The following ARHGAP42 variants were observed in gnomAD, a reference collection of about 807,000 sequenced individuals.
The protein encoded by ARHGAP42 is rho GTPase-activating protein 42.
A neutral mutation model predicts 125.0 loss-of-function variants in ARHGAP42; 63 were observed. The ratio of observed to expected loss-of-function variants is 0.50; its 90% CI spans 0.41 to 0.62. ARHGAP42 has a LOEUF of 0.62. Among genes scored for constraint, ARHGAP42 ranks in the 20% least tolerant of loss-of-function variants. The pLI is 0.00. For missense variants in ARHGAP42, 766 were observed against 1,024.2 expected (o/e 0.75, Z 3.44); for synonymous variants, 339 against 351.0 (o/e 0.97, Z 0.38).
At chr11:100,733,279 A>G (rs1861992433) in intron 1 of ARHGAP42, among the ~76,000 whole-genome samples, 1 of 152,244 alleles carries the variant, frequency 6.6e-6, no homozygotes, top group East Asian at 1.9e-4. Context: ...TGAGGATTAT[A>G]TAAGATTACT....
chr11:100,726,270 T>A (rs1016137075), intron 1 of ARHGAP42, among the ~76,000 whole-genome samples: 4 of 152,168 alleles, frequency 2.6e-5, no homozygotes, highest in Non-Finnish European at 4.4e-5. Context: ...GCAAGGGAGT[T>A]GGAATACAGC....
chr11:100,762,516 GT>G (rs1305095804), intron 1 of ARHGAP42, among the ~76,000 whole-genome samples: 2 of 152,088 alleles, frequency 1.3e-5, no homozygotes, highest in African/African-American at 4.8e-5. Context: ...CTCAACTCTC[GT>G]TTATTGAGTG....
intron 5 of ARHGAP42, among the ~76,000 whole-genome samples, chr11:100,920,746 A>G (rs530362579): frequency 1.9e-4 from 29 of 152,296 alleles, no homozygotes; most frequent in African/African-American, 5.8e-4. Context: ...CCTTACTGCA[A>G]TCAGATATAA....
At position 100,814,915 on chromosome 11, in the gene ARHGAP42, C is replaced by T. The variant is rs540760183; in HGVS notation, c.312+19749C>T. On this transcript the variant is annotated intron_variant, in intron 3 of 23. Transcript: ENST00000298815. ...ACAGATATGTAGGAGCCTTCACATA[C>T]GGTGTTTCTTCTTCCATTCGTCACT... 3.3e-5 allele frequency among the ~76,000 whole-genome samples: 5 copies of T among 152,310 alleles called. No individual in the cohort carries two copies. The East Asian group carries it at 5.8e-4, about 18-fold the overall frequency.
rs927982816 is a variant in ARHGAP42, at chr11:100,992,283, T to C, written c.*3482T>C. On this transcript the variant is annotated 3_prime_UTR_variant, in exon 24 of 24. Transcript: ENST00000298815. ...CAGATTTTGTTCTTTGCTTTTATGA[T>C]ACATTTGTAACTCACAGCTGTTAGC... 6.4e-7 allele frequency: 1 copy of C among 1,552,990 alleles called. No individual in the cohort carries two copies.
At chr11:100,868,838 C>T (rs1387657231) in intron 4 of ARHGAP42, among the ~76,000 whole-genome samples, 2 of 152,070 alleles carry the variant, frequency 1.3e-5, no homozygotes, top group Non-Finnish European at 2.9e-5. Context: ...AATAAAACTA[C>T]CTTCATAGGA....
chr11:100,721,206 G>A (rs1035174500), intron 1 of ARHGAP42, among the ~76,000 whole-genome samples: 1 of 152,146 alleles, frequency 6.6e-6, no homozygotes, highest in African/African-American at 2.4e-5. Context: ...TACCTTTGCA[G>A]TCCCATGTAG....
At chr11:100,741,337 ATCTTAT>A (rs1172805146) in intron 1 of ARHGAP42, among the ~76,000 whole-genome samples, 1 of 151,898 alleles carries the variant, frequency 6.6e-6, no homozygotes, top group African/African-American at 2.4e-5. Flanking sequence ...GGCCGAAGAA[ATCTTAT>A]TCTTATAGTT....
At chr11:100,756,559 T>G (rs1454471917) in intron 1 of ARHGAP42, among the ~76,000 whole-genome samples, 2 of 152,200 alleles carry the variant, frequency 1.3e-5, no homozygotes, top group African/African-American at 4.8e-5. Context: ...GCATATACAT[T>G]TGTTAAGTTT....
chr11:100,746,675 C>T (rs1338660874), intron 1 of ARHGAP42, among the ~76,000 whole-genome samples: 1 of 152,070 alleles, frequency 6.6e-6, no homozygotes, highest in Non-Finnish European at 1.5e-5. Flanking sequence ...AGGGGGCAGC[C>T]GTAGGAGGTG....
At chr11:100,703,720 A>G (rs562825158) in intron 1 of ARHGAP42, among the ~76,000 whole-genome samples, 3 of 152,366 alleles carry the variant, frequency 2.0e-5, no homozygotes, top group African/African-American at 7.2e-5. Context: ...CTTTATAGAC[A>G]TATCTACTGG....
chr11:100,993,012 T>C lies in ARHGAP42; in HGVS notation c.*4211T>C. 1 of 271,870 alleles carries C rather than the reference T, an allele frequency of 3.7e-6. No homozygotes were observed. Among genetic ancestry groups the C allele is most frequent in the Admixed American group, 4.9e-5 (1 of 20,590 alleles). 16.8% of individuals were successfully genotyped at this position (271,870 alleles called of 1,614,324 possible). A position where few individuals can be genotyped will look rare whatever the true frequency, so the allele number is the denominator to read the frequency against. On this transcript the variant is annotated 3_prime_UTR_variant, in exon 24 of 24. Coordinates refer to ENST00000298815, the MANE Select transcript of ARHGAP42 (RefSeq NM_152432.4). ...GAAGAGTCCCAAAAACCAGAGACCA[T>C]TTTCATTTACTGCCATCATAAATAT...
At chr11:100,737,310 T>G (rs1217809846) in intron 1 of ARHGAP42, among the ~76,000 whole-genome samples, 1 of 152,184 alleles carries the variant, frequency 6.6e-6, no homozygotes, top group Non-Finnish European at 1.5e-5. Context: ...TTAATCTCAC[T>G]TAGGATTAGT....
chr11:100,906,489 TG>T (rs1365922608), intron 4 of ARHGAP42, among the ~76,000 whole-genome samples: 4 of 152,194 alleles, frequency 2.6e-5, no homozygotes, highest in Non-Finnish European at 1.5e-5. Context: ...ATTTTATCCA[TG>T]TTTTTTAAAC....
chr11:100,908,655 C>T (rs567062672), intron 4 of ARHGAP42, among the ~76,000 whole-genome samples: 8 of 152,168 alleles, frequency 5.3e-5, no homozygotes, highest in African/African-American at 1.9e-4. Context: ...TTGATGGACA[C>T]TTAGGTTGAT....
intron 2 of ARHGAP42, among the ~76,000 whole-genome samples, chr11:100,780,968 T>C (rs1277078062): frequency 1.3e-5 from 2 of 152,228 alleles, no homozygotes; most frequent in Non-Finnish European, 2.9e-5. Flanking sequence ...GTGGGTGTTA[T>C]GGGCACAGCT....
chr11:100,693,599 CTTTTTTCAGCCCAT>C (rs1861228529), intron 1 of ARHGAP42, among the ~76,000 whole-genome samples: 1 of 152,090 alleles, frequency 6.6e-6, no homozygotes, highest in Non-Finnish European at 1.5e-5. Context: ...TCCTAGATTT[CTTTTTTCAGCCCAT>C]TGTAATTAAA....
chr11:100,979,076 T>A (rs1418041246), intron 22 of ARHGAP42, 27 bp downstream of exon 22: 2 of 1,548,718 alleles, frequency 1.3e-6, no homozygotes, highest in African/African-American at 2.7e-5. Flanking sequence ...CTTAAATGCA[T>A]CTAAAAAAAA....
chr11:100,870,705 T>C (rs550247585), intron 4 of ARHGAP42, among the ~76,000 whole-genome samples: 3 of 152,338 alleles, frequency 2.0e-5, no homozygotes, highest in Admixed American at 1.3e-4. Flanking sequence ...GGAAACACTG[T>C]ATTTCACACT....
Sources: gnomAD v4.1 joint callset for allele counts (sites outside exome capture counted in the v4.1 genomes callset) on GRCh38, gnomAD v4.1.1 for gene constraint, MANE v1.5 for transcripts, NCBI Gene and HGNC (gene_info 2026-07-23, HGNC 2026-07-21) for gene names.